HTRA1: variants seen among roughly 807,000 people sequenced by gnomAD.
HTRA1 encodes HtrA serine peptidase 1.
A neutral mutation model predicts 49.7 loss-of-function variants in HTRA1; 26 were observed. That is an observed-to-expected ratio of 0.52 (90% CI 0.38 to 0.73). The LOEUF (loss-of-function observed/expected upper bound fraction) is 0.73. Among genes scored for constraint, HTRA1 ranks in the 30% least tolerant of loss-of-function variants. The pLI is 0.00. For missense variants in HTRA1, 561 were observed against 667.2 expected (o/e 0.84, Z 1.75); for synonymous variants, 291 against 286.9 (o/e 1.01, Z -0.14).
rs2097495086 is a variant in HTRA1 at position 122,490,137 on chromosome 10, T to TA, written c.777+514dup. ...TGTTTCAAAAGAATGTTTCGTACTT[T>TA]AAACATCTTGGAAAACTTGAATTAA... is the stretch of plus-strand genomic sequence containing the variant. On this transcript the variant is annotated intron_variant, in intron 3 of 8. Transcript: ENST00000368984. The surrounding 1 kb of genome is among the most constrained non-coding windows in gnomAD (Gnocchi z 4.2). 6.6e-6 allele frequency among the ~76,000 whole-genome samples: 1 copy of TA among 152,232 alleles called. No homozygotes were observed. Among genetic ancestry groups the TA allele is most frequent in the Admixed American group, 6.5e-5 (1 of 15,290 alleles).
At chr10:122,476,624 A>G (rs535245399) in intron 1 of HTRA1, among the ~76,000 whole-genome samples, 5 of 152,162 alleles carry the variant, frequency 3.3e-5, no homozygotes, top group Non-Finnish European at 7.4e-5. Flanking sequence ...ACTCGGTCCC[A>G]GTTGTCCTGG....
chr10:122,507,849 G>T (rs765776035), intron 5 of HTRA1, among the ~76,000 whole-genome samples: 15 of 152,178 alleles, frequency 9.9e-5, no homozygotes, highest in Non-Finnish European at 1.6e-4. Context: ...AGGCCTGGCT[G>T]GAATGAGGAG....
chr10:122,477,262 C>T (rs759525104), intron 1 of HTRA1, among the ~76,000 whole-genome samples: 5 of 152,074 alleles, frequency 3.3e-5, no homozygotes, highest in South Asian at 2.1e-4. Context: ...CCACCATGCC[C>T]GGCCTGTAGT....
chr10:122,513,587 G>A (rs1008555427), intron 8 of HTRA1, among the ~76,000 whole-genome samples: 1 of 119,324 alleles, frequency 8.4e-6, no homozygotes, highest in African/African-American at 3.3e-5. Context: ...CTTGAGCCCA[G>A]GAGTTCGAGA....
chr10:122,487,891 A>G lies in HTRA1; in HGVS notation c.473-1011A>G, dbSNP rs2097493765. Among the ~76,000 whole-genome samples the G allele has an allele frequency of 6.6e-6, 1 of 152,182 alleles. No individual in the cohort carries two copies. The highest frequency in any genetic ancestry group is 2.1e-4 in the South Asian group (1 of 4,830). ...ATGGTCCGCGGCTGGCTGAAACGTT[A>G]TGTGGTGCATGACTGTAGGTATAAA... is the stretch of plus-strand genomic sequence containing the variant. On this transcript the variant is annotated intron_variant, in intron 1 of 8. Coordinates refer to ENST00000368984, the MANE Select transcript of HTRA1 (RefSeq NM_002775.5). The surrounding 1 kb of genome is among the most constrained non-coding windows in gnomAD (Gnocchi z 4.8).
chr10:122,514,064 T>G, intron 8 of HTRA1, 127 bp from the exon 9 acceptor site: 2 of 940,330 alleles, frequency 2.1e-6, no homozygotes, highest in South Asian at 2.6e-5. Flanking sequence ...TTATTCTAAG[T>G]TCGCCACCGT....
At position 122,461,634 on chromosome 10, in the gene HTRA1, C is replaced by G; in HGVS notation, c.-19C>G. 1 of 1,297,636 alleles carries G rather than the reference C, an allele frequency of 7.7e-7. No homozygotes were observed. Among genetic ancestry groups the G allele is most frequent in the Non-Finnish European group, 1.0e-6 (1 of 1,004,390 alleles). 80.4% of individuals were successfully genotyped at this position (1,297,636 alleles called of 1,614,324 possible). On this transcript the variant is annotated 5_prime_UTR_variant, in exon 1 of 9. Transcript: ENST00000368984. ...CCCTCGCCCTGTCCGCCGCCACCGC[C>G]GCCGCCGCCAGAGTCGCCATGCAGA...
At position 122,461,652 on chromosome 10, in the gene HTRA1, C is replaced by T. The variant is rs1281413794; in HGVS notation, c.-1C>T. On this transcript the variant is annotated 5_prime_UTR_variant, in exon 1 of 9. Coordinates refer to ENST00000368984, the MANE Select transcript of HTRA1 (RefSeq NM_002775.5). Reference sequence around the variant, plus strand: ...CCACCGCCGCCGCCGCCAGAGTCGCCATGCAGATCCCGCGCGCCGCTCTTC... The same window carrying T: ...CCACCGCCGCCGCCGCCAGAGTCGCTATGCAGATCCCGCGCGCCGCTCTTC... 2.3e-6 allele frequency: 3 copies of T among 1,311,530 alleles called. No homozygotes were observed. The highest frequency in any genetic ancestry group is 9.4e-5 in the East Asian group (2 of 21,280). The allele number at this position is 1,311,530 out of a possible 1,614,324, so 81.2% of individuals were successfully genotyped here.
chr10:122,508,901 C>T (rs565240005), intron 6 of HTRA1, 131 bp downstream of exon 6: 27 of 676,730 alleles, frequency 4.0e-5, no homozygotes, highest in East Asian at 3.2e-4. Flanking sequence ...CAGAAGTGAA[C>T]GGGAATGCAC....
chr10:122,485,886 TA>T (rs1389503576), intron 1 of HTRA1, among the ~76,000 whole-genome samples: 1 of 152,222 alleles, frequency 6.6e-6, no homozygotes, highest in Non-Finnish European at 1.5e-5. Context: ...TGGCTGGAGT[TA>T]AACCTCTTCT....
chr10:122,491,281 G>T (rs969415526), intron 3 of HTRA1, among the ~76,000 whole-genome samples: 1 of 152,226 alleles, frequency 6.6e-6, no homozygotes, highest in Non-Finnish European at 1.5e-5. Context: ...GGCTACTGCT[G>T]GAGGGATAGA....
intron 8 of HTRA1, among the ~76,000 whole-genome samples, chr10:122,513,900 T>G (rs897454218): frequency 2.7e-5 from 4 of 150,916 alleles, no homozygotes; most frequent in Non-Finnish European, 5.9e-5. Context: ...GCTCTTTTTT[T>G]TTTTTTTTTT....
At chr10:122,498,571 G>T (rs2097499677) in intron 3 of HTRA1, among the ~76,000 whole-genome samples, 1 of 152,044 alleles carries the variant, frequency 6.6e-6, no homozygotes, top group African/African-American at 2.4e-5. Context: ...TGAACGGAAG[G>T]GTTCTGAAGC....
chr10:122,489,042 T>A, intron 2 of HTRA1, 41 bp downstream of exon 2: 1 of 1,363,030 alleles, frequency 7.3e-7, no homozygotes, highest in Non-Finnish European at 1.0e-6. Context: ...TCCGAAGCTT[T>A]CACCGCCACT....
chr10:122,506,888 G>C lies in HTRA1; in HGVS notation c.972+3G>C. ...TCCAGACCGACGCCATCATCAACGT[G>C]AGCCTCTGTCCCTCTGCGGGTGGGG... On this transcript the variant is annotated splice_donor_region_variant and intron_variant, in intron 4 of 8. Transcript: ENST00000368984. This position sits in a 1 kb window ranked among gnomAD's most constrained non-coding sequence, Gnocchi z 5.2. 1 of 1,613,126 alleles carries C rather than the reference G, an allele frequency of 6.2e-7. No homozygotes were observed. Among genetic ancestry groups the C allele is most frequent in the Non-Finnish European group, 8.5e-7 (1 of 1,179,780 alleles).
At position 122,490,946 on chromosome 10, in the gene HTRA1, G is replaced by A. The variant is rs2097495508; in HGVS notation, c.777+1320G>A. On this transcript the variant is annotated intron_variant, in intron 3 of 8. Transcript: ENST00000368984. This position sits in a 1 kb window ranked among gnomAD's most constrained non-coding sequence, Gnocchi z 4.2. The stretch of plus-strand genomic sequence containing the variant: ...GTTCCTGTAGCTTCTCTATGGCTGG[G>A]TGGCCAGGCATGGCCGAAGAGGCTC... Among the ~76,000 whole-genome samples, 1 of 152,104 alleles carries A rather than the reference G, an allele frequency of 6.6e-6. No homozygotes were observed. Among genetic ancestry groups the A allele is most frequent in the East Asian group, 1.9e-4 (1 of 5,190 alleles).
At position 122,494,936 on chromosome 10, in the gene HTRA1, T is replaced by C. The variant is rs186801918; in HGVS notation, c.777+5310T>C. On this transcript the variant is annotated intron_variant, in intron 3 of 8. Transcript: ENST00000368984. This position sits in a 1 kb window ranked among gnomAD's most constrained non-coding sequence, Gnocchi z 4.0. The stretch of plus-strand genomic sequence containing the variant: ...AACTTGGCCCTGCGCATGGTGAATC[T>C]TCCCTGAGTCAGCTGAGTGAGGGGG... Among the ~76,000 whole-genome samples the C allele has an allele frequency of 4.5e-4, 69 of 152,232 alleles. No homozygotes were observed. Among genetic ancestry groups the C allele is most frequent in the African/African-American group, 1.5e-3 (63 of 41,542 alleles).
At position 122,514,371 on chromosome 10, in the gene HTRA1, A is replaced by G; in HGVS notation, c.*12A>G. 6.2e-7 allele frequency: 1 copy of G among 1,613,558 alleles called. No homozygotes were observed. The highest frequency in any genetic ancestry group is 8.5e-7 in the Non-Finnish European group (1 of 1,179,520). On this transcript the variant is annotated 3_prime_UTR_variant, in exon 9 of 9. Coordinates refer to ENST00000368984, the MANE Select transcript of HTRA1 (RefSeq NM_002775.5). Reference sequence around the variant, plus strand: ...AAATTGACCCATAGGCAGAGGCATGAGCTGGACTTCATGTTTCCCTCAAAG... The same window carrying G: ...AAATTGACCCATAGGCAGAGGCATGGGCTGGACTTCATGTTTCCCTCAAAG...
At chr10:122,485,981 T>G (rs1591031090) in intron 1 of HTRA1, among the ~76,000 whole-genome samples, 1 of 152,326 alleles carries the variant, frequency 6.6e-6, no homozygotes, top group East Asian at 1.9e-4. Context: ...GGCTCTGTTT[T>G]CAGAAGGAAC....
Sources: gnomAD v4.1 joint callset for allele counts (sites outside exome capture counted in the v4.1 genomes callset) on GRCh38, gnomAD v4.1.1 for gene constraint, Gnocchi (gnomAD v3.1) non-coding constraint, MANE v1.5 for transcripts, NCBI Gene and HGNC (gene_info 2026-07-23, HGNC 2026-07-21) for gene names.